Variants in DENND2B observed in about 807,000 individuals in gnomAD.
DENND2B encodes the protein DENN domain containing 2B.
Under a neutral mutation model 116.0 loss-of-function variants are expected in DENND2B, and 32 were observed. The ratio of observed to expected loss-of-function variants is 0.28; its 90% CI spans 0.21 to 0.37. The LOEUF (loss-of-function observed/expected upper bound fraction) is 0.37, where lower values mean the gene tolerates loss of function less well. DENND2B is among the 10% of genes least tolerant of loss of function. The pLI, the probability that DENND2B is intolerant of heterozygous loss-of-function variation, is 1.00. For synonymous variants in DENND2B, 588 were observed against 583.9 expected (o/e 1.01, Z -0.10); for missense variants, 1,276 against 1,477.7 (o/e 0.86, Z 2.24).
intron 1 of DENND2B, among the ~76,000 whole-genome samples, chr11:8,898,774 G>T (rs1336616183): frequency 6.6e-6 from 1 of 152,120 alleles, no homozygotes; most frequent in African/African-American, 2.4e-5. Context: ...GAAATAAATT[G>T]TTGACCTCTG....
intron 4 of DENND2B, among the ~76,000 whole-genome samples, chr11:8,829,661 C>T (rs2653589): frequency 0.93 from 140,860 of 152,160 alleles, 66,157 homozygotes; most frequent in East Asian, 1. Flanking sequence ...AGACGGACTT[C>T]CTGCGAAGCC....
In DENND2B at chr11:8,695,566, G is replaced by A; in HGVS notation, c.3293-17C>T. Reference sequence around the variant, plus strand: ...CAAAAAGGCCTGGGTAAAAGAAACAGGCACAGGGAAGAGAACAGTCATTGG... The same window carrying A: ...CAAAAAGGCCTGGGTAAAAGAAACAAGCACAGGGAAGAGAACAGTCATTGG... On this transcript the variant is annotated splice_polypyrimidine_tract_variant and intron_variant, in intron 18 of 19. Coordinates refer to ENST00000313726, the MANE Select transcript of DENND2B (RefSeq NM_213618.2). 6.2e-7 allele frequency: 1 copy of A among 1,612,382 alleles called. No homozygotes were observed. Among genetic ancestry groups the A allele is most frequent in the Non-Finnish European group, 8.5e-7 (1 of 1,178,836 alleles).
rs972595544 is a variant in DENND2B at position 8,762,981 on chromosome 11, A to C, written c.-25-12256T>G. ...AAAGCAAACCAACAGAGTATAAGAC[A>C]ATGTACTCAGTAGACCATCCAACCA... On this transcript the variant is annotated intron_variant, in intron 1 of 19. Coordinates refer to ENST00000313726, the MANE Select transcript of DENND2B (RefSeq NM_213618.2). 3.9e-5 allele frequency among the ~76,000 whole-genome samples: 6 copies of C among 152,356 alleles called. No individual in the cohort carries two copies. In the East Asian group the frequency reaches 1.2e-3, roughly 29 times the overall value.
At chr11:8,727,658 T>C (rs578217659) in intron 3 of DENND2B, among the ~76,000 whole-genome samples, 1 of 152,300 alleles carries the variant, frequency 6.6e-6, no homozygotes, top group Admixed American at 6.5e-5. Flanking sequence ...GATTCTCAAC[T>C]AGTTAAACAT....
intron 5 of DENND2B, 71 bp downstream of exon 5, chr11:8,717,670 A>G: frequency 1.4e-6 from 2 of 1,466,032 alleles, no homozygotes; most frequent in Non-Finnish European, 1.8e-6. Context: ...GCTGGGCCCA[A>G]GTCTTGGAAG....
chr11:8,730,752 T>C lies in DENND2B; in HGVS notation c.538A>G (p.Arg180Gly). Residue 180 changes from arginine to glycine, a missense_variant, in exon 3 of 20, where the codon AGG becomes GGG. Arg to Gly is a moderately radical substitution (Grantham distance 125). This residue lies in a region of DENND2B where 856 missense variants were observed against 846.6 expected (regional missense o/e 1.01). Transcript: ENST00000313726. This position sits in a 1 kb window ranked among gnomAD's most constrained non-coding sequence, Gnocchi z 4.1. ...AWEGRREASP[R>G]MSMCGEKREG... ...CGCTTCTCTCCACACATGCTCATCC[T>C]GGGCGACGCCTCTCGGCGACCTTCC... is the stretch of plus-strand genomic sequence containing the variant. 8 of 1,612,700 alleles carry C rather than the reference T, an allele frequency of 5.0e-6. No homozygotes were observed. The highest frequency in any genetic ancestry group is 6.8e-6 in the Non-Finnish European group (8 of 1,179,968).
chr11:8,897,782 T>C (rs2064120704), intron 1 of DENND2B, among the ~76,000 whole-genome samples: 1 of 152,120 alleles, frequency 6.6e-6, no homozygotes, highest in South Asian at 2.1e-4. Flanking sequence ...CTGAACTCTA[T>C]TTCTTTGTTC....
In DENND2B at chr11:8,799,923, TA is replaced by T. The variant is rs2060172071; in HGVS notation, c.-26+10593del. ...TCCTCAGTCTTCACCATGTATTTAT[TA>T]TTATTATTATTATTATTATTATTAT... On this transcript the variant is annotated intron_variant, in intron 1 of 19. Coordinates refer to ENST00000313726, the MANE Select transcript of DENND2B (RefSeq NM_213618.2). Among the ~76,000 whole-genome samples, 5 of 3,448 alleles carry T rather than the reference TA, an allele frequency of 1.5e-3. No homozygotes were observed. The Non-Finnish European group carries it at 0.06, about 41-fold the overall frequency. 2.3% of individuals were successfully genotyped at this position (3,448 alleles called of 152,430 possible). A position where few individuals can be genotyped will look rare whatever the true frequency, so the allele number is the denominator to read the frequency against.
chr11:8,702,676 C>T lies in DENND2B; in HGVS notation c.2616G>A (p.Val872=). 6.2e-7 allele frequency: 1 copy of T among 1,613,980 alleles called. No homozygotes were observed. Among genetic ancestry groups the T allele is most frequent in the Non-Finnish European group, 8.5e-7 (1 of 1,180,020 alleles). Residue 872 remains valine (V), a synonymous_variant, in exon 14 of 20, where the codon GTG becomes GTA. Coordinates refer to ENST00000313726, the MANE Select transcript of DENND2B (RefSeq NM_213618.2). This position sits in a 1 kb window ranked among gnomAD's most constrained non-coding sequence, Gnocchi z 4.6. Reference sequence around the variant, plus strand: ...GGCAGGTAAAAAGGCACTCAAAGTCCACGTGCTCCAGCCTTGAGTCCATGG... The same window carrying T: ...GGCAGGTAAAAAGGCACTCAAAGTCTACGTGCTCCAGCCTTGAGTCCATGG... The part of the protein sequence containing the change: ...RRPMDSRLEH[V]DFECLFTCLS...
Position 8,697,573 on chromosome 11 carries a change from TCTCCAGAGCCTG to T in DENND2B, c.2992_3003del (p.Gln998_Glu1001del), listed in dbSNP as rs2040598941. On this transcript the variant is annotated inframe_deletion, in exon 17 of 20. Coordinates refer to ENST00000313726, the MANE Select transcript of DENND2B (RefSeq NM_213618.2). ...TCCTGGGAGATCAGCTCATTCTTCCTCTCCAGAGCCTGCTCCAGAGCTGCCTGTAACTTCCTA... is the reference window on the plus strand; with the variant it reads ...TCCTGGGAGATCAGCTCATTCTTCCTCTCCAGAGCTGCCTGTAACTTCCTA... 1 of 1,614,086 alleles carries T rather than the reference TCTCCAGAGCCTG, an allele frequency of 6.2e-7. No individual in the cohort carries two copies. The highest frequency in any genetic ancestry group is 1.3e-5 in the African/African-American group (1 of 74,922).
chr11:8,699,673 G>A (rs1023948824), intron 14 of DENND2B, among the ~76,000 whole-genome samples: 14 of 152,194 alleles, frequency 9.2e-5, no homozygotes, highest in Non-Finnish European at 1.6e-4. Flanking sequence ...GGGCTGTCTC[G>A]GGTTTGGGGG....
intron 1 of DENND2B, among the ~76,000 whole-genome samples, chr11:8,779,135 T>C (rs2058069576): frequency 6.6e-6 from 1 of 152,136 alleles, no homozygotes; most frequent in Non-Finnish European, 1.5e-5. Flanking sequence ...GGACACAAAC[T>C]AGAAAGACAG....
At chr11:8,889,891 G>C (rs1293997680) in intron 1 of DENND2B, among the ~76,000 whole-genome samples, 4 of 152,232 alleles carry the variant, frequency 2.6e-5, no homozygotes, top group Non-Finnish European at 4.4e-5. Flanking sequence ...TTTGAAGAGA[G>C]TAGTGGTTCT....
At chr11:8,832,495 A>C (rs1475102252) in intron 4 of DENND2B, 1 of 150,966 alleles carries the variant, frequency 6.6e-6, no homozygotes, top group Non-Finnish European at 1.5e-5. Flanking sequence ...ATCACAATCC[A>C]TGAAAAGCTA....
chr11:8,794,813 G>A (rs2059674009), intron 1 of DENND2B: 1 of 152,270 alleles, frequency 6.6e-6, no homozygotes, highest in African/African-American at 2.4e-5. Flanking sequence ...TGTGGGAAGA[G>A]GCACTGAGGC....
At chr11:8,699,619 A>T (rs1451849392) in intron 14 of DENND2B, among the ~76,000 whole-genome samples, 1 of 152,196 alleles carries the variant, frequency 6.6e-6, no homozygotes, top group Non-Finnish European at 1.5e-5. Context: ...CCAGGAAGGT[A>T]TGCAGCAACC....
chr11:8,698,700 G>A (rs1320388468), intron 16 of DENND2B, among the ~76,000 whole-genome samples: 2 of 152,200 alleles, frequency 1.3e-5, no homozygotes, highest in East Asian at 1.9e-4. Context: ...GGACTCCCAG[G>A]CCGTGTTCTT....
intron 1 of DENND2B, chr11:8,809,586 G>A (rs1430332646): frequency 6.6e-6 from 1 of 152,276 alleles, no homozygotes; most frequent in Admixed American, 6.5e-5. Flanking sequence ...GCCTTTCTGG[G>A]AGGGTCTCCT....
At chr11:8,836,976 G>A (rs1047534589) in intron 4 of DENND2B, among the ~76,000 whole-genome samples, 6 of 152,242 alleles carry the variant, frequency 3.9e-5, no homozygotes, top group East Asian at 3.9e-4. Flanking sequence ...TTAGCCTCCC[G>A]AAGTGCTGGG....
Sources: allele counts gnomAD v4.1 joint callset (sites outside exome capture counted in the v4.1 genomes callset), GRCh38; gene constraint gnomAD v4.1.1; regional missense constraint gnomAD v4.1.1; non-coding constraint Gnocchi (gnomAD v3.1); transcripts MANE v1.5; gene names NCBI Gene and HGNC (gene_info 2026-07-23, HGNC 2026-07-21).